TAF4B: variants seen among roughly 807,000 people sequenced by gnomAD.
TAF4B encodes the protein TATA-box binding protein associated factor 4b.
TAF4B carries 38 observed loss-of-function variants against 86.4 expected under a neutral mutation model. The ratio of observed to expected loss-of-function variants is 0.44; its 90% CI spans 0.34 to 0.58. The LOEUF (loss-of-function observed/expected upper bound fraction) is 0.58, where lower values mean the gene tolerates loss of function less well. TAF4B is among the 20% of genes least tolerant of loss of function. TAF4B has a pLI of 0.02. For synonymous variants in TAF4B, 388 were observed against 391.2 expected, an observed-to-expected ratio of 0.99 and a Z score of 0.10; for missense variants, 988 against 1,027.6, an observed-to-expected ratio of 0.96 and a Z score of 0.53.
intron 12 of TAF4B, among the ~76,000 whole-genome samples, chr18:26,332,189 C>T (rs879520381): frequency 4.6e-5 from 7 of 152,220 alleles, no homozygotes; most frequent in Non-Finnish European, 8.8e-5. Flanking sequence ...CAGGAGTCAT[C>T]CTTGATTCCT....
chr18:26,295,079 T>C (rs1183490695), intron 9 of TAF4B: 5 of 166,282 alleles, frequency 3.0e-5, no homozygotes, highest in Non-Finnish European at 6.1e-5. Context: ...ATATATAATA[T>C]ATATATTAAA....
intron 1 of TAF4B, among the ~76,000 whole-genome samples, chr18:26,234,186 A>AGG (rs544428904): frequency 3.2e-3 from 480 of 152,324 alleles, no homozygotes; most frequent in African/African-American, 0.01. Flanking sequence ...TTCCATACCA[A>AGG]GGGTTCCTCC....
intron 9 of TAF4B, among the ~76,000 whole-genome samples, chr18:26,314,611 A>G (rs1299910615): frequency 3.3e-5 from 5 of 152,214 alleles, no homozygotes; most frequent in Non-Finnish European, 7.3e-5. Context: ...ACAGAAAAAC[A>G]AAACTAGTTT....
At chr18:26,356,049 A>G (rs1163483209) in intron 13 of TAF4B, among the ~76,000 whole-genome samples, 2 of 152,216 alleles carry the variant, frequency 1.3e-5, no homozygotes, top group Admixed American at 6.5e-5. Context: ...TGCTATAATG[A>G]AATATCTTAG....
chr18:26,255,657 A>G, intron 1 of TAF4B: 1 of 1,193,320 alleles, frequency 8.4e-7, no homozygotes, highest in Non-Finnish European at 1.2e-6. Flanking sequence ...CAAAATTTAG[A>G]TGGTTTTTTT....
In TAF4B at chr18:26,243,627, G is replaced by A. The variant is rs559629600; in HGVS notation, c.343+16351G>A. Among the ~76,000 whole-genome samples the A allele has an allele frequency of 2.6e-5, 4 of 152,294 alleles. No individual in the cohort carries two copies. The South Asian group carries it at 8.3e-4, about 32-fold the overall frequency. On this transcript the variant is annotated intron_variant, in intron 1 of 14. Transcript: ENST00000269142. ...TCCGTCCAGCTTCGTTCCATTGCTG[G>A]TGAGGAGCTGCGTTCCTTTGGAGGA...
Position 26,285,995 on chromosome 18 carries a change from A to G in TAF4B, c.1086A>G (p.Thr362=), listed in dbSNP as rs191951929. 6,408 of 1,614,234 alleles carry G rather than the reference A, an allele frequency of 4.0e-3. 25 individuals carry two copies. The highest frequency in any genetic ancestry group is 5.1e-3 in the Non-Finnish European group (5,969 of 1,180,038). Residue 362 remains threonine, a synonymous_variant, in exon 7 of 15, where the codon ACA becomes ACG. Coordinates refer to ENST00000269142, the MANE Select transcript of TAF4B (RefSeq NM_005640.3). The part of the protein sequence containing the change: ...MVIATCTTTV[T]TSPVVTTTVS... Reference sequence around the variant, plus strand: ...TTGCTACCTGTACTACAACAGTAACAACTTCTCCTGTGGTGACAACTACAG... The same window carrying G: ...TTGCTACCTGTACTACAACAGTAACGACTTCTCCTGTGGTGACAACTACAG...
chr18:26,261,917 G>A (rs1303983615), intron 1 of TAF4B, among the ~76,000 whole-genome samples: 1 of 152,158 alleles, frequency 6.6e-6, no homozygotes, highest in South Asian at 2.1e-4. Context: ...GATATTGGGA[G>A]CAGAGGTCGG....
chr18:26,292,962 T>C (rs570832667), intron 8 of TAF4B, among the ~76,000 whole-genome samples: 2 of 152,368 alleles, frequency 1.3e-5, no homozygotes, highest in Admixed American at 6.5e-5. Flanking sequence ...ATTTAACTTA[T>C]AAAATTTGCT....
chr18:26,277,331 C>T (rs1354692733), intron 5 of TAF4B, among the ~76,000 whole-genome samples: 1 of 152,102 alleles, frequency 6.6e-6, no homozygotes, highest in Non-Finnish European at 1.5e-5. Flanking sequence ...AGTAATCATC[C>T]CACCTTGGCC....
In TAF4B at chr18:26,335,202, C is replaced by T. The variant is rs1400528870; in HGVS notation, c.2287C>T (p.Gln763Ter). ...TCGTTCTAATAAAGAAGATCCAGAA[C>T]AGCTGAGATTAAAGCAGAAAGCCAA... ...KSRSNKEDPE[Q>*]LRLKQKAKEL... The change falls in exon 13 of 15, where the codon CAG becomes TAG. Residue 763 changes from glutamine (Q) to a stop codon, truncating the protein, a stop_gained. Coordinates refer to ENST00000269142, the MANE Select transcript of TAF4B (RefSeq NM_005640.3). LOFTEE classifies it high-confidence loss of function. The T allele has an allele frequency of 6.2e-7, 1 of 1,610,238 alleles. No homozygotes were observed. The highest frequency in any genetic ancestry group is 8.5e-7 in the Non-Finnish European group (1 of 1,177,652).
intron 1 of TAF4B, among the ~76,000 whole-genome samples, chr18:26,258,447 T>A (rs1327025859): frequency 6.6e-6 from 1 of 152,218 alleles, no homozygotes; most frequent in African/African-American, 2.4e-5. Flanking sequence ...AATTTTACAT[T>A]CCTGTATGTT....
chr18:26,331,567 A>G (rs2057050788), intron 12 of TAF4B, among the ~76,000 whole-genome samples: 1 of 152,094 alleles, frequency 6.6e-6, no homozygotes, highest in Non-Finnish European at 1.5e-5. Flanking sequence ...AATACCTTTT[A>G]CTCTTATAGA....
intron 11 of TAF4B, among the ~76,000 whole-genome samples, chr18:26,322,399 G>C (rs1236177218): frequency 1.4e-5 from 2 of 144,296 alleles, no homozygotes; most frequent in African/African-American, 4.9e-5. Flanking sequence ...AGGAGAAAAA[G>C]CTATGAAAAA....
intron 11 of TAF4B, among the ~76,000 whole-genome samples, chr18:26,325,509 A>G (rs2056996709): frequency 6.6e-6 from 1 of 152,192 alleles, no homozygotes; most frequent in Admixed American, 6.5e-5. Context: ...GTTTAGTGAT[A>G]CGGAAGAAAA....
At chr18:26,268,856 T>C (rs537244633) in intron 3 of TAF4B, among the ~76,000 whole-genome samples, 1 of 152,214 alleles carries the variant, frequency 6.6e-6, no homozygotes, top group African/African-American at 2.4e-5. Flanking sequence ...AGAGTCTCAC[T>C]CTATCACCTA....
intron 9 of TAF4B, 93 bp from the exon 10 acceptor site, chr18:26,315,136 C>CTCTG (rs1568147876): frequency 2.3e-5 from 7 of 310,976 alleles, no homozygotes; most frequent in African/African-American, 1.9e-4. Context: ...CTCTCTCTCT[C>CTCTG]TCTCTCTCTG....
chr18:26,238,429 A>G (rs1042347111), intron 1 of TAF4B, among the ~76,000 whole-genome samples: 3 of 152,114 alleles, frequency 2.0e-5, no homozygotes, highest in Admixed American at 6.5e-5. Flanking sequence ...TAGGCCTGCT[A>G]GTCTGAGGAG....
At chr18:26,268,405 A>G (rs2056269724) in intron 3 of TAF4B, among the ~76,000 whole-genome samples, 1 of 152,122 alleles carries the variant, frequency 6.6e-6, no homozygotes, top group African/African-American at 2.4e-5. Context: ...GTGGCACCTG[A>G]TATTAATTAT....
Sources: allele counts gnomAD v4.1 joint callset (sites outside exome capture counted in the v4.1 genomes callset), GRCh38; gene constraint gnomAD v4.1.1; transcripts MANE v1.5; gene names NCBI Gene and HGNC (gene_info 2026-07-23, HGNC 2026-07-21).